NKAIN2: variants seen among roughly 807,000 people sequenced by gnomAD.
NKAIN2 encodes sodium/potassium-transporting ATPase subunit beta-1-interacting protein 2.
Under a neutral mutation model 32.6 loss-of-function variants are expected in NKAIN2, and 14 were observed. The ratio of observed to expected loss-of-function variants is 0.43; its 90% CI spans 0.28 to 0.67. The LOEUF is 0.67. Ranked by LOEUF, NKAIN2 falls within the 30% of genes least tolerant of loss-of-function variation. NKAIN2 has a pLI of 0.17. For synonymous variants in NKAIN2, 80 were observed against 87.2 expected, an observed-to-expected ratio of 0.92 and a Z score of 0.46; for missense variants, 198 against 258.3, an observed-to-expected ratio of 0.77 and a Z score of 1.60.
At chr6:124,272,176 A>C (rs1328954273) in intron 1 of NKAIN2, among the ~76,000 whole-genome samples, 2 of 152,222 alleles carry the variant, frequency 1.3e-5, no homozygotes, top group African/African-American at 4.8e-5. Context: ...AATCGCTAAG[A>C]CAATGGGGAA....
chr6:124,730,580 A>C (rs1160106744), intron 4 of NKAIN2, among the ~76,000 whole-genome samples: 1 of 136,934 alleles, frequency 7.3e-6, no homozygotes, highest in Non-Finnish European at 1.6e-5. Context: ...TAAAGACTTA[A>C]ATGTTAGACC....
chr6:124,189,143 G>A (rs755420054), intron 1 of NKAIN2, among the ~76,000 whole-genome samples: 6 of 151,942 alleles, frequency 3.9e-5, no homozygotes, highest in East Asian at 1.9e-4. Flanking sequence ...GAAAAAAAAC[G>A]TATTTCTTGC....
intron 3 of NKAIN2, among the ~76,000 whole-genome samples, chr6:124,452,316 CATTGGTCAA>C (rs2114624607): frequency 6.6e-6 from 1 of 151,916 alleles, no homozygotes; most frequent in East Asian, 1.9e-4. Context: ...TTGACCAGAG[CATTGGTCAA>C]CAAAGTGTAA....
chr6:124,200,211 C>T (rs1172152490), intron 1 of NKAIN2, among the ~76,000 whole-genome samples: 1 of 152,098 alleles, frequency 6.6e-6, no homozygotes, highest in Non-Finnish European at 1.5e-5. Context: ...TTTCACTTGC[C>T]TAAGGCAGCC....
At chr6:123,994,127 T>G (rs1041339149) in intron 1 of NKAIN2, among the ~76,000 whole-genome samples, 7 of 152,102 alleles carry the variant, frequency 4.6e-5, no homozygotes, top group African/African-American at 1.7e-4. Context: ...AGCTCAGAAT[T>G]TAGTTATTCT....
At chr6:124,185,755 C>T (rs987811087) in intron 1 of NKAIN2, among the ~76,000 whole-genome samples, 1 of 152,036 alleles carries the variant, frequency 6.6e-6, no homozygotes, top group Non-Finnish European at 1.5e-5. Context: ...TATGGTTAAA[C>T]ACATCTGTTT....
chr6:124,484,903 C>T (rs975316290), intron 3 of NKAIN2, among the ~76,000 whole-genome samples: 3 of 152,090 alleles, frequency 2.0e-5, no homozygotes, highest in African/African-American at 7.2e-5. Context: ...AAGGTAGCTT[C>T]TGTTGTTTTC....
At chr6:124,721,188 G>A (rs542313551) in intron 4 of NKAIN2, among the ~76,000 whole-genome samples, 23 of 152,038 alleles carry the variant, frequency 1.5e-4, no homozygotes, top group African/African-American at 2.4e-4. Flanking sequence ...AGGCCGAGGC[G>A]GGAGGATCAC....
chr6:123,839,501 C>A (rs1774775678), intron 1 of NKAIN2, among the ~76,000 whole-genome samples: 1 of 152,032 alleles, frequency 6.6e-6, no homozygotes, highest in Non-Finnish European at 1.5e-5. Flanking sequence ...ACAAAATAAG[C>A]ATTTCGTTTT....
intron 1 of NKAIN2, among the ~76,000 whole-genome samples, chr6:123,973,714 T>G: frequency 6.6e-6 from 1 of 152,126 alleles, no homozygotes; most frequent in East Asian, 1.9e-4. Flanking sequence ...CTGCAATTAC[T>G]TTTGCACCAA....
chr6:124,057,476 G>A (rs1046765805), intron 1 of NKAIN2, among the ~76,000 whole-genome samples: 1 of 151,870 alleles, frequency 6.6e-6, no homozygotes, highest in Middle Eastern at 3.2e-3. Flanking sequence ...CCATTAAAAA[G>A]TATATATTTT....
At chr6:124,365,161 C>G (rs1481440280) in intron 3 of NKAIN2, among the ~76,000 whole-genome samples, 2 of 151,478 alleles carry the variant, frequency 1.3e-5, no homozygotes, top group African/African-American at 4.8e-5. Flanking sequence ...AAAAAAATAT[C>G]AAGATGGGTG....
intron 3 of NKAIN2, among the ~76,000 whole-genome samples, chr6:124,486,592 C>T (rs985459833): frequency 2.0e-5 from 3 of 152,144 alleles, no homozygotes; most frequent in African/African-American, 4.8e-5. Flanking sequence ...GCAGTCCATT[C>T]TTAATATTGT....
At chr6:124,725,804 T>C (rs987625456) in intron 4 of NKAIN2, among the ~76,000 whole-genome samples, 1 of 152,176 alleles carries the variant, frequency 6.6e-6, no homozygotes, top group Non-Finnish European at 1.5e-5. Flanking sequence ...ACCAGGTTCA[T>C]CTCACTAGGG....
chr6:124,167,847 G>T (rs1243127291), intron 1 of NKAIN2, among the ~76,000 whole-genome samples: 1 of 152,010 alleles, frequency 6.6e-6, no homozygotes, highest in Non-Finnish European at 1.5e-5. Flanking sequence ...ATTGACTTCA[G>T]TGATGCATTA....
At chr6:124,635,873 G>A (rs1219079468) in intron 3 of NKAIN2, among the ~76,000 whole-genome samples, 1 of 151,874 alleles carries the variant, frequency 6.6e-6, no homozygotes, top group Non-Finnish European at 1.5e-5. Flanking sequence ...ATTTGGCCTT[G>A]GACAGATTAT....
At chr6:124,268,707 A>G (rs1269485837) in intron 1 of NKAIN2, among the ~76,000 whole-genome samples, 1 of 151,142 alleles carries the variant, frequency 6.6e-6, no homozygotes, top group Non-Finnish European at 1.5e-5. Context: ...TGTATATATT[A>G]TAACATATAT....
intron 1 of NKAIN2, among the ~76,000 whole-genome samples, chr6:124,133,963 C>G (rs1255434666): frequency 2.0e-5 from 3 of 151,972 alleles, no homozygotes; most frequent in Admixed American, 2.0e-4. Flanking sequence ...GGCAATATGA[C>G]AAAACAGAGT....
intron 3 of NKAIN2, among the ~76,000 whole-genome samples, chr6:124,446,881 TTTA>T (rs1470089486): frequency 1.3e-5 from 2 of 152,068 alleles, no homozygotes; most frequent in Admixed American, 1.3e-4. Flanking sequence ...TGGAGACATT[TTTA>T]TTAACACATT....
Sources: allele counts gnomAD v4.1 joint callset (sites outside exome capture counted in the v4.1 genomes callset), GRCh38; gene constraint gnomAD v4.1.1; transcripts MANE v1.5; gene names NCBI Gene and HGNC (gene_info 2026-07-23, HGNC 2026-07-21).